Variants in NAALADL2 observed in about 807,000 individuals in gnomAD.
NAALADL2 encodes inactive N-acetylated-alpha-linked acidic dipeptidase-like protein 2.
A neutral mutation model predicts 87.2 loss-of-function variants in NAALADL2; 76 were observed. The ratio of observed to expected loss-of-function variants is 0.87; its 90% CI spans 0.72 to 1.05. NAALADL2 has a LOEUF of 1.05. Ranked by LOEUF, NAALADL2 falls within the 50% of genes least tolerant of loss-of-function variation. The pLI is 0.00. For missense variants in NAALADL2, 1,089 were observed against 945.8 expected (o/e 1.15, Z -1.99); for synonymous variants, 354 against 331.0 (o/e 1.07, Z -0.75).
intron 2 of NAALADL2, among the ~76,000 whole-genome samples, chr3:174,605,238 G>A (rs558974440): frequency 9.2e-5 from 14 of 152,294 alleles, no homozygotes; most frequent in Non-Finnish European, 1.5e-4. Context: ...CGTGAGCAAC[G>A]CAGAAGACGG....
chr3:175,720,208 A>T (rs1201457572), intron 11 of NAALADL2, among the ~76,000 whole-genome samples: 1 of 152,186 alleles, frequency 6.6e-6, no homozygotes, highest in African/African-American at 2.4e-5. Context: ...ATCTGAACAC[A>T]ACAATCGATG....
At chr3:175,367,995 T>C (rs910982232) in intron 5 of NAALADL2, among the ~76,000 whole-genome samples, 49 of 152,280 alleles carry the variant, frequency 3.2e-4, no homozygotes, top group Non-Finnish European at 5.0e-4. Context: ...TGTGGGTTTG[T>C]CATAGATAGC....
At chr3:175,259,653 T>C (rs1421289541) in intron 4 of NAALADL2, among the ~76,000 whole-genome samples, 1 of 152,264 alleles carries the variant, frequency 6.6e-6, no homozygotes, top group Non-Finnish European at 1.5e-5. Flanking sequence ...TTTTCCGTTA[T>C]ATTTTGCATT....
chr3:175,764,729 C>T (rs1188088918), intron 13 of NAALADL2, among the ~76,000 whole-genome samples: 4 of 152,148 alleles, frequency 2.6e-5, no homozygotes, highest in African/African-American at 7.2e-5. Flanking sequence ...TGAAATGAGA[C>T]GGAACTATTA....
intron 1 of NAALADL2, among the ~76,000 whole-genome samples, chr3:175,013,148 C>T (rs187919651): frequency 0.017 from 1,273 of 75,228 alleles, 106 homozygotes; most frequent in African/African-American, 0.12. Context: ...ATATGTAATA[C>T]ATATTTATAT....
rs552984825 is a variant in NAALADL2, at chr3:174,814,213, A to G, written c.-9+76467A>G. 1.4e-3 allele frequency among the ~76,000 whole-genome samples: 206 copies of G among 152,152 alleles called. 2 individuals carry two copies. Among genetic ancestry groups the G allele is most frequent in the Non-Finnish European group, 2.8e-3 (188 of 68,000 alleles). On this transcript the variant is annotated intron_variant, in intron 3 of 3. Coordinates refer to the NAALADL2 transcript ENST00000434257. ...AAGCTCCACCCCCCGGGTTCACACC[A>G]TTCTTCTGCCTCAGCCTCCCAAGTA...
At chr3:175,329,229 C>CT (rs983970740) in intron 5 of NAALADL2, among the ~76,000 whole-genome samples, 1 of 152,124 alleles carries the variant, frequency 6.6e-6, no homozygotes, top group African/African-American at 2.4e-5. Flanking sequence ...TGCTACAATC[C>CT]TTTTTTTCCT....
At chr3:175,748,796 A>G (rs1208675559) in intron 12 of NAALADL2, among the ~76,000 whole-genome samples, 1 of 152,054 alleles carries the variant, frequency 6.6e-6, no homozygotes, top group Non-Finnish European at 1.5e-5. Context: ...AAGCAGTAAA[A>G]TCACTCCTTA....
intron 3 of NAALADL2, among the ~76,000 whole-genome samples, chr3:175,238,344 T>A (rs1453029289): frequency 6.6e-6 from 1 of 152,122 alleles, no homozygotes; most frequent in Non-Finnish European, 1.5e-5. Context: ...TAACTGTAGA[T>A]GTAGAAATAT....
intron 1 of NAALADL2, among the ~76,000 whole-genome samples, chr3:174,947,271 T>C (rs1739579518): frequency 6.6e-6 from 1 of 152,144 alleles, no homozygotes; most frequent in Admixed American, 6.5e-5. Flanking sequence ...TTTTTGTTTG[T>C]TTGTTTTTTG....
chr3:175,123,184 A>C (rs1188321141), intron 2 of NAALADL2, among the ~76,000 whole-genome samples: 1 of 151,956 alleles, frequency 6.6e-6, no homozygotes, highest in East Asian at 1.9e-4. Context: ...TACCTTTAAA[A>C]TTTTTAAAAT....
intron 3 of NAALADL2, among the ~76,000 whole-genome samples, chr3:175,252,066 A>G (rs2109781603): frequency 6.6e-6 from 1 of 152,324 alleles, no homozygotes; most frequent in East Asian, 1.9e-4. Flanking sequence ...GATATGTTCC[A>G]ATATTGTAAA....
intron 2 of NAALADL2, among the ~76,000 whole-genome samples, chr3:175,109,195 T>C (rs772335315): frequency 3.3e-5 from 5 of 151,836 alleles, no homozygotes; most frequent in Admixed American, 2.6e-4. Flanking sequence ...TAAACTGTTA[T>C]GGGGGAAAGT....
chr3:174,623,171 T>A (rs972698282), intron 2 of NAALADL2, among the ~76,000 whole-genome samples: 20 of 152,342 alleles, frequency 1.3e-4, no homozygotes, highest in African/African-American at 4.6e-4. Flanking sequence ...TTTACTGGGA[T>A]ACACAATTTA....
At chr3:174,948,829 A>G (rs566539777) in intron 1 of NAALADL2, among the ~76,000 whole-genome samples, 2 of 152,172 alleles carry the variant, frequency 1.3e-5, no homozygotes, top group South Asian at 4.2e-4. Context: ...TGAAACACTT[A>G]CTGTCTTAGT....
intron 9 of NAALADL2, among the ~76,000 whole-genome samples, chr3:175,479,689 C>G (rs1726183739): frequency 6.6e-6 from 1 of 151,744 alleles, no homozygotes; most frequent in Non-Finnish European, 1.5e-5. Context: ...ATTACTCCTT[C>G]CCTTTGATCT....
At chr3:175,560,299 T>C (rs1270910332) in intron 9 of NAALADL2, among the ~76,000 whole-genome samples, 10 of 152,172 alleles carry the variant, frequency 6.6e-5, no homozygotes, top group African/African-American at 2.2e-4. Context: ...ATCTCTGATT[T>C]CATTTATGTG....
intron 2 of NAALADL2, among the ~76,000 whole-genome samples, chr3:174,616,357 CATT>C (rs1720457146): frequency 6.6e-6 from 1 of 151,868 alleles, no homozygotes; most frequent in Non-Finnish European, 1.5e-5. Flanking sequence ...ACCTTTGAAA[CATT>C]ATACCTTATT....
intron 1 of NAALADL2, among the ~76,000 whole-genome samples, chr3:174,469,166 A>G (rs974475489): frequency 6.6e-6 from 1 of 152,194 alleles, no homozygotes; most frequent in Non-Finnish European, 1.5e-5. Context: ...CATAGGATAT[A>G]ATTTCCTTTA....
Sources: allele counts gnomAD v4.1 joint callset (sites outside exome capture counted in the v4.1 genomes callset), GRCh38; gene constraint gnomAD v4.1.1; transcripts MANE v1.5; gene names NCBI Gene and HGNC (gene_info 2026-07-23, HGNC 2026-07-21).